Variants in RNF32 observed in about 807,000 individuals in gnomAD.
RNF32 encodes the protein ring finger protein 32.
Under a neutral mutation model 41.0 loss-of-function variants are expected in RNF32, and 36 were observed. That is an observed-to-expected ratio of 0.88 (90% CI 0.67 to 1.16). The LOEUF is 1.16. Among genes scored for constraint, RNF32 ranks in the 50% most tolerant of loss-of-function variants. RNF32 has a pLI of 0.00. For synonymous variants in RNF32, 154 were observed against 160.9 expected (o/e 0.96, Z 0.32); for missense variants, 413 against 436.7 (o/e 0.95, Z 0.48).
In RNF32 at chr7:156,657,709, T is replaced by C. The variant is rs1799939778; in HGVS notation, c.450+136T>C. 9.5e-6 allele frequency: 8 copies of C among 840,874 alleles called. No individual in the cohort carries two copies. In the South Asian group the frequency reaches 9.6e-5, roughly 10 times the overall value. 52.1% of individuals were successfully genotyped at this position (840,874 alleles called of 1,614,324 possible). Reference sequence around the variant, plus strand: ...ACCACCATCTATAGTTAAAGAAACATGACTGTAGGCTGCAGTACAATTCAT... The same window carrying C: ...ACCACCATCTATAGTTAAAGAAACACGACTGTAGGCTGCAGTACAATTCAT... On this transcript the variant is annotated intron_variant, in intron 5 of 8. Coordinates refer to ENST00000317955, the MANE Select transcript of RNF32 (RefSeq NM_030936.4).
At chr7:156,659,840 C>G (rs1395685229) in intron 7 of RNF32, 1 of 914,844 alleles carries the variant, frequency 1.1e-6, no homozygotes, top group African/African-American at 1.8e-5. Context: ...TGTTCAAATG[C>G]TGCAGCCTTC....
rs2302148 is a variant in RNF32, at chr7:156,676,429, G to C, written c.863G>C (p.Arg288Pro). 1 of 1,613,990 alleles carries C rather than the reference G, an allele frequency of 6.2e-7. No individual in the cohort carries two copies. The change falls in exon 9 of 9, where the codon CGG becomes CCG. Residue 288 changes from arginine to proline, a missense_variant. By Grantham distance (103) the Arg-to-Pro change is moderately radical. Transcript: ENST00000317955. Reference sequence around the variant, plus strand: ...TCCTGTGTGCCGCAGGCTCTGCGCCGGGAGACCCACGAGTGCTCCATCTGC... The same window carrying C: ...TCCTGTGTGCCGCAGGCTCTGCGCCCGGAGACCCACGAGTGCTCCATCTGC... ...WEKIQVQALR[R>P]ETHECSICLA...
intron 7 of RNF32, among the ~76,000 whole-genome samples, chr7:156,664,962 G>A (rs996787068): frequency 4.6e-5 from 7 of 151,982 alleles, no homozygotes; most frequent in African/African-American, 1.5e-4. Flanking sequence ...AAATTTTAAC[G>A]TAAGATTATA....
At chr7:156,665,137 C>T (rs962380246) in intron 7 of RNF32, among the ~76,000 whole-genome samples, 3 of 152,164 alleles carry the variant, frequency 2.0e-5, no homozygotes, top group Non-Finnish European at 4.4e-5. Context: ...TAAATAAGGA[C>T]CAGCTTCAGA....
intron 2 of RNF32, among the ~76,000 whole-genome samples, chr7:156,644,297 TA>T (rs763626331): frequency 3.5e-4 from 53 of 152,200 alleles, no homozygotes; most frequent in Non-Finnish European, 6.6e-4. Context: ...CTTTCATAAT[TA>T]AATGAAAAGA....
chr7:156,672,711 G>T (rs1386035015), intron 7 of RNF32, among the ~76,000 whole-genome samples: 1 of 152,202 alleles, frequency 6.6e-6, no homozygotes, highest in Admixed American at 6.5e-5. Context: ...TAACATAAAT[G>T]CATATAGATG....
At chr7:156,666,321 G>A (rs1801333530) in intron 7 of RNF32, among the ~76,000 whole-genome samples, 1 of 152,160 alleles carries the variant, frequency 6.6e-6, no homozygotes, top group South Asian at 2.1e-4. Flanking sequence ...AGTTAGTGAA[G>A]TCTTTTCTTT....
rs1802192436 is a variant in RNF32 at position 156,670,298 on chromosome 7, C to G, written c.685-5398C>G. 6.6e-6 allele frequency among the ~76,000 whole-genome samples: 1 copy of G among 152,208 alleles called. No individual in the cohort carries two copies. The highest frequency in any genetic ancestry group is 1.5e-5 in the Non-Finnish European group (1 of 68,032). ...CTTTGGCTCTTGATACACACACATT[C>G]TAGTCAGGCCCTGCCTTCAGCTCAC... On this transcript the variant is annotated intron_variant, in intron 7 of 8. Transcript: ENST00000317955. This position sits in a 1 kb window ranked among gnomAD's most constrained non-coding sequence, Gnocchi z 4.3.
In RNF32 at chr7:156,675,731, C is replaced by A. The variant is rs779157237; in HGVS notation, c.720C>A (p.Tyr240Ter). ...TEISHRILCS[Y>*]NTNIEELFAE... ...TCAGCCACCGCATCCTGTGCTCATA[C>A]AACACCAACATTGAAGAGCTCTTTG... Residue 240 changes from tyrosine (Y) to a stop codon, truncating the protein, a stop_gained, in exon 8 of 9, where the codon TAC (tyrosine) becomes TAA (stop). Transcript: ENST00000317955. LOFTEE classifies it high-confidence loss of function. 1.9e-6 allele frequency: 3 copies of A among 1,609,582 alleles called. No homozygotes were observed. Among genetic ancestry groups the A allele is most frequent in the South Asian group, 2.2e-5 (2 of 90,988 alleles).
rs888137856 is a variant in RNF32 at position 156,669,544 on chromosome 7, A to C, written c.685-6152A>C. Among the ~76,000 whole-genome samples the C allele has an allele frequency of 2.6e-5, 4 of 152,132 alleles. No homozygotes were observed. Among genetic ancestry groups the C allele is most frequent in the Non-Finnish European group, 5.9e-5 (4 of 68,004 alleles). ...GCTGGCAGAGTGTGAGCCGCTGGGC[A>C]CAGGTGACCCTTCCAGGACCCAGAC... On this transcript the variant is annotated intron_variant, in intron 7 of 8. Transcript: ENST00000317955. This position sits in a 1 kb window ranked among gnomAD's most constrained non-coding sequence, Gnocchi z 4.2.
intron 7 of RNF32, among the ~76,000 whole-genome samples, chr7:156,671,473 G>A (rs923948831): frequency 4.6e-5 from 7 of 152,106 alleles, no homozygotes; most frequent in African/African-American, 1.7e-4. Flanking sequence ...ACACCACACC[G>A]AGCAACGGCA....
chr7:156,658,429 TA>T, intron 6 of RNF32, 32 bp from the exon 7 acceptor site: 1 of 1,566,118 alleles, frequency 6.4e-7, no homozygotes, highest in Non-Finnish European at 8.8e-7. Flanking sequence ...AGAGTCATCA[TA>T]AATTAGTCAT....
intron 1 of RNF32, 152 bp from the exon 2 acceptor site, chr7:156,643,649 C>T: frequency 1.8e-6 from 1 of 570,344 alleles, no homozygotes; most frequent in Non-Finnish European, 3.1e-6. Flanking sequence ...TCACCCCCTT[C>T]CTCCAGAACC....
intron 4 of RNF32, 160 bp from the exon 5 acceptor site, chr7:156,657,381 G>A: frequency 1.5e-6 from 1 of 685,552 alleles, no homozygotes; most frequent in Non-Finnish European, 2.6e-6. Context: ...TACTTGTGCT[G>A]TGCTAAACAA....
rs750947468 is a variant in RNF32, at chr7:156,658,158, A to G, written c.481A>G (p.Asn161Asp). Residue 161 changes from asparagine (N) to aspartate (D), a missense_variant, in exon 6 of 9, where the codon AAT becomes GAT. By Grantham distance (23) the Asn-to-Asp change is conservative (BLOSUM62 1). Coordinates refer to ENST00000317955, the MANE Select transcript of RNF32 (RefSeq NM_030936.4). ...ACLQAFEKFT[N>D]KKTCPLCRKN... The stretch of plus-strand genomic sequence containing the variant: ...TCTTCAGGCTTTTGAAAAGTTCACA[A>G]ATAAGAAAACCTGTCCTCTCTGTAG... 14 of 1,614,044 alleles carry G rather than the reference A, an allele frequency of 8.7e-6. No homozygotes were observed. In the Admixed American group the frequency reaches 2.2e-4, roughly 25 times the overall value.
chr7:156,675,800 G>C lies in RNF32; in HGVS notation c.789G>C (p.Gln263His), dbSNP rs1318020425. The change falls in exon 8 of 9, where the codon CAG (glutamine) becomes CAC (histidine). Residue 263 changes from glutamine to histidine, a missense_variant. Physicochemically the swap from Gln to His is conservative, Grantham distance 24. Coordinates refer to ENST00000317955, the MANE Select transcript of RNF32 (RefSeq NM_030936.4). ...QCLAINRSVLQQLEEKCGHEI... is the reference protein window; with the variant it reads ...QCLAINRSVLHQLEEKCGHEI... ...TGGCCATAAATCGAAGTGTTCTTCA[G>C]CAGTTGGAAGAAAAATGTGGCCATG... The C allele has an allele frequency of 6.2e-7, 1 of 1,614,064 alleles. No homozygotes were observed. Among genetic ancestry groups the C allele is most frequent in the Non-Finnish European group, 8.5e-7 (1 of 1,180,032 alleles).
intron 7 of RNF32, among the ~76,000 whole-genome samples, chr7:156,671,458 G>A (rs2131656592): frequency 6.6e-6 from 1 of 152,334 alleles, no homozygotes; most frequent in South Asian, 2.1e-4. Flanking sequence ...AGATAATGGT[G>A]TAGAACACCA....
chr7:156,657,603 G>A, intron 5 of RNF32, 30 bp downstream of exon 5: 1 of 1,610,694 alleles, frequency 6.2e-7, no homozygotes. Context: ...CTGCCCAGGT[G>A]CTGCACATGT....
intron 7 of RNF32, among the ~76,000 whole-genome samples, chr7:156,661,405 C>T (rs939657882): frequency 4.6e-5 from 7 of 151,592 alleles, no homozygotes; most frequent in African/African-American, 9.7e-5. Context: ...CTGCAACCAT[C>T]GTTTCCCGAG....
Sources: gnomAD v4.1 joint callset for allele counts (sites outside exome capture counted in the v4.1 genomes callset) on GRCh38, gnomAD v4.1.1 for gene constraint, Gnocchi (gnomAD v3.1) non-coding constraint, MANE v1.5 for transcripts, NCBI Gene and HGNC (gene_info 2026-07-23, HGNC 2026-07-21) for gene names.